Variants in P4HA1 observed in about 807,000 individuals in gnomAD.
The protein encoded by P4HA1 is prolyl 4-hydroxylase subunit alpha 1, also known as prolyl 4-hydroxylase subunit alpha-1.
In P4HA1, 24 loss-of-function variants were observed where a neutral mutation model predicts 72.8. The ratio of observed to expected loss-of-function variants is 0.33; its 90% CI spans 0.24 to 0.46. The LOEUF is 0.46. Ranked by LOEUF, P4HA1 falls within the 20% of genes least tolerant of loss-of-function variation. The probability of loss-of-function intolerance (pLI) is 1.00; values close to 1 mark genes in which losing one functional copy is unlikely to be tolerated. For missense variants in P4HA1, 446 were observed against 640.6 expected, an observed-to-expected ratio of 0.70 and a Z score of 3.28; for synonymous variants, 201 against 218.8, an observed-to-expected ratio of 0.92 and a Z score of 0.72.
intron 5 of P4HA1, among the ~76,000 whole-genome samples, chr10:73,059,202 T>C (rs1173538388): frequency 6.6e-6 from 1 of 150,968 alleles, no homozygotes; most frequent in Non-Finnish European, 1.5e-5. Context: ...AGGGAATAGG[T>C]TGAAAAGTAT....
intron 5 of P4HA1, among the ~76,000 whole-genome samples, chr10:73,068,581 C>T (rs1461347651): frequency 6.6e-6 from 1 of 152,114 alleles, no homozygotes; most frequent in African/African-American, 2.4e-5. Flanking sequence ...ATGATAGTTT[C>T]TTTTCCTTAC....
intron 10 of P4HA1, among the ~76,000 whole-genome samples, chr10:73,019,730 G>GAAAGAAA (rs1554837882): frequency 3.1e-5 from 2 of 65,232 alleles, no homozygotes; most frequent in African/African-American, 1.7e-4. Flanking sequence ...CTCTGTCTCA[G>GAAAGAAA]AAAAAAAAAA....
At chr10:73,015,870 G>C (rs1047736560) in intron 11 of P4HA1, among the ~76,000 whole-genome samples, 1 of 145,064 alleles carries the variant, frequency 6.9e-6, no homozygotes, top group African/African-American at 2.6e-5. Flanking sequence ...GGGTATCTAG[G>C]TGTTTGGTTT....
At chr10:73,080,940 AAAAC>A (rs1589626967) in intron 1 of P4HA1, among the ~76,000 whole-genome samples, 1 of 152,194 alleles carries the variant, frequency 6.6e-6, no homozygotes, top group Non-Finnish European at 1.5e-5. Flanking sequence ...AAACAAAAAC[AAAAC>A]AAACAATGGT....
At chr10:73,028,086 A>G (rs1007461770) in intron 10 of P4HA1, among the ~76,000 whole-genome samples, 8 of 152,192 alleles carry the variant, frequency 5.3e-5, no homozygotes, top group Non-Finnish European at 1.0e-4. Flanking sequence ...AGGGGAGGGC[A>G]CAGTGTTACT....
chr10:73,008,782 A>T (rs1041093901), intron 14 of P4HA1, among the ~76,000 whole-genome samples: 3 of 152,258 alleles, frequency 2.0e-5, no homozygotes, highest in African/African-American at 7.2e-5. Context: ...CCTTTAAAAA[A>T]TGTATACCAT....
At chr10:73,022,859 G>A (rs964342433) in intron 10 of P4HA1, among the ~76,000 whole-genome samples, 2 of 152,138 alleles carry the variant, frequency 1.3e-5, no homozygotes, top group African/African-American at 4.8e-5. Flanking sequence ...CACAAGCTTC[G>A]GTAGCCGATT....
chr10:73,074,969 A>G lies in P4HA1; in HGVS notation c.-32-54T>C. ...TTACTTAAAAAATACAAAGAGAAGG[A>G]AAAGTTCCTTATCTATTATTTCTAT... On this transcript the variant is annotated intron_variant, in intron 1 of 14. Transcript: ENST00000394890. The G allele has an allele frequency of 4.5e-6, 3 of 672,562 alleles. No homozygotes were observed. In the South Asian group the frequency reaches 5.5e-5, roughly 12 times the overall value. The allele number at this position is 672,562 out of a possible 1,614,324, so 41.7% of individuals were successfully genotyped here.
chr10:73,037,562 TATATATATA>T (rs1295807120), intron 9 of P4HA1, among the ~76,000 whole-genome samples: 357 of 34,122 alleles, frequency 0.01, 4 homozygotes, highest in East Asian at 0.058. Flanking sequence ...TATATATATA[TATATATATA>T]TTTTTTTTTT....
At chr10:73,044,202 C>T (rs1168431462) in intron 9 of P4HA1, among the ~76,000 whole-genome samples, 1 of 151,790 alleles carries the variant, frequency 6.6e-6, no homozygotes, top group Non-Finnish European at 1.5e-5. Flanking sequence ...TTTTTTTAAA[C>T]AAAAAATCAT....
chr10:73,020,236 T>C (rs1589576755), intron 10 of P4HA1, among the ~76,000 whole-genome samples: 1 of 151,964 alleles, frequency 6.6e-6, no homozygotes, highest in East Asian at 1.9e-4. Flanking sequence ...CAAAGAAATA[T>C]AAAAAGTCCT....
At chr10:73,068,538 T>C (rs1841477602) in intron 5 of P4HA1, among the ~76,000 whole-genome samples, 1 of 152,162 alleles carries the variant, frequency 6.6e-6, no homozygotes, top group South Asian at 2.1e-4. Flanking sequence ...TTTCAAATAG[T>C]ATTAGGTGTT....
chr10:73,008,203 A>G lies in P4HA1; in HGVS notation c.*19T>C. On this transcript the variant is annotated 3_prime_UTR_variant, in exon 15 of 15. Coordinates refer to ENST00000394890, the MANE Select transcript of P4HA1 (RefSeq NM_001017962.3). ...ACACATAAGAGTACAACAATAGGAG[A>G]AAAAGGGAAGCCTGTTTGTCATTCC... 1 of 1,550,418 alleles carries G rather than the reference A, an allele frequency of 6.4e-7. No homozygotes were observed. Among genetic ancestry groups the G allele is most frequent in the Non-Finnish European group, 8.9e-7 (1 of 1,123,268 alleles).
intron 1 of P4HA1, among the ~76,000 whole-genome samples, chr10:73,091,060 C>CAAAA (rs202009101): frequency 4.7e-4 from 23 of 49,258 alleles, no homozygotes; most frequent in Non-Finnish European, 1.0e-3. Context: ...GAGTCCATCT[C>CAAAA]AAAAAAAAAA....
At chr10:73,069,814 T>G (rs1035467755) in intron 4 of P4HA1, among the ~76,000 whole-genome samples, 5 of 151,636 alleles carry the variant, frequency 3.3e-5, no homozygotes, top group South Asian at 2.1e-4. Flanking sequence ...CTGTTTTGTT[T>G]TTTTTTTTTT....
chr10:73,030,545 T>A (rs1295256922), intron 9 of P4HA1, among the ~76,000 whole-genome samples, 175 bp from the exon 10 acceptor site: 1 of 152,156 alleles, frequency 6.6e-6, no homozygotes, highest in Non-Finnish European at 1.5e-5. Context: ...TAATTTTTTT[T>A]AAATGTCACA....
chr10:73,015,062 C>G (rs778057833), intron 11 of P4HA1, among the ~76,000 whole-genome samples: 1 of 151,760 alleles, frequency 6.6e-6, no homozygotes, highest in African/African-American at 2.4e-5. Context: ...AACTCCTGAC[C>G]TCAAGTGATC....
chr10:73,032,416 G>T (rs533628277), intron 9 of P4HA1, among the ~76,000 whole-genome samples: 9 of 152,162 alleles, frequency 5.9e-5, no homozygotes, highest in African/African-American at 2.2e-4. Context: ...CATTGTATTT[G>T]TTCCTTTGGT....
chr10:73,063,915 G>C (rs1312039834), intron 5 of P4HA1, among the ~76,000 whole-genome samples: 1 of 152,106 alleles, frequency 6.6e-6, no homozygotes, highest in Non-Finnish European at 1.5e-5. Flanking sequence ...CCAAAGTAGA[G>C]AACATGAGAA....
Sources: gnomAD v4.1 joint callset for allele counts (sites outside exome capture counted in the v4.1 genomes callset) on GRCh38, gnomAD v4.1.1 for gene constraint, MANE v1.5 for transcripts, NCBI Gene and HGNC (gene_info 2026-07-23, HGNC 2026-07-21) for gene names.